GALNTL6: variants seen among roughly 807,000 people sequenced by gnomAD.
The protein encoded by GALNTL6 is polypeptide N-acetylgalactosaminyltransferase like 6, also known as polypeptide N-acetylgalactosaminyltransferase-like 6.
GALNTL6 carries 46 observed loss-of-function variants against 73.7 expected under a neutral mutation model. That is an observed-to-expected ratio of 0.62 (90% CI 0.49 to 0.80). The LOEUF (loss-of-function observed/expected upper bound fraction) is 0.80, where lower values mean the gene tolerates loss of function less well. Among genes scored for constraint, GALNTL6 ranks in the 30% least tolerant of loss-of-function variants. The probability of loss-of-function intolerance (pLI) is 0.00; values close to 1 mark genes in which losing one functional copy is unlikely to be tolerated. For missense variants in GALNTL6, 604 were observed against 755.0 expected, an observed-to-expected ratio of 0.80 and a Z score of 2.34; for synonymous variants, 259 against 263.7, an observed-to-expected ratio of 0.98 and a Z score of 0.17.
At chr4:172,144,835 T>C (rs965164948) in intron 2 of GALNTL6, among the ~76,000 whole-genome samples, 1 of 152,230 alleles carries the variant, frequency 6.6e-6, no homozygotes, top group Non-Finnish European at 1.5e-5. Flanking sequence ...GTACCTACTA[T>C]GCAAATTACA....
chr4:172,336,265 G>GTTTTTT (rs1453823455), intron 4 of GALNTL6, among the ~76,000 whole-genome samples: 3 of 25,718 alleles, frequency 1.2e-4, no homozygotes, highest in Admixed American at 6.7e-4. Flanking sequence ...TCTTGGTATA[G>GTTTTTT]TTTTGTTTTG....
chr4:171,872,856 A>G (rs1049841151), intron 2 of GALNTL6, among the ~76,000 whole-genome samples: 2 of 152,200 alleles, frequency 1.3e-5, no homozygotes, highest in African/African-American at 4.8e-5. Flanking sequence ...TTAGGACTCC[A>G]ACATGTCATT....
rs180674102 is a variant in GALNTL6 at position 172,274,640 on chromosome 4, C to T, written c.248-36974C>T. ...AGAGGCTCAAATATAAATATGTGGC[C>T]GAGATGGCCTTGCTTGGAAGATTAA... is the stretch of plus-strand genomic sequence containing the variant. On this transcript the variant is annotated intron_variant, in intron 3 of 12. Coordinates refer to ENST00000506823, the MANE Select transcript of GALNTL6 (RefSeq NM_001034845.3). Among the ~76,000 whole-genome samples, 69 of 152,162 alleles carry T rather than the reference C, an allele frequency of 4.5e-4. 1 individual carries two copies. Among genetic ancestry groups the T allele is most frequent in the Admixed American group, 3.0e-3 (46 of 15,260 alleles).
At chr4:172,262,665 C>G (rs1387923180) in intron 3 of GALNTL6, among the ~76,000 whole-genome samples, 2 of 151,252 alleles carry the variant, frequency 1.3e-5, no homozygotes, top group Non-Finnish European at 3.0e-5. Flanking sequence ...ATTATCATGC[C>G]AAATGCTGCC....
chr4:172,420,045 C>A (rs561574111), intron 5 of GALNTL6, among the ~76,000 whole-genome samples: 1 of 152,238 alleles, frequency 6.6e-6, no homozygotes, highest in South Asian at 2.1e-4. Flanking sequence ...CTTTGGATAT[C>A]GTACCATTAT....
At chr4:172,974,017 G>T (rs947090031) in intron 10 of GALNTL6, among the ~76,000 whole-genome samples, 3 of 152,154 alleles carry the variant, frequency 2.0e-5, no homozygotes, top group Non-Finnish European at 4.4e-5. Context: ...TGCCTTTGAA[G>T]GTATGTGGGA....
At chr4:171,939,029 C>T (rs1391381880) in intron 2 of GALNTL6, among the ~76,000 whole-genome samples, 7 of 151,502 alleles carry the variant, frequency 4.6e-5, no homozygotes, top group African/African-American at 9.7e-5. Flanking sequence ...CTTAAGTTGA[C>T]ATTGATCTCA....
intron 5 of GALNTL6, among the ~76,000 whole-genome samples, chr4:172,549,157 T>G (rs1385944688): frequency 6.6e-6 from 1 of 152,212 alleles, no homozygotes; most frequent in East Asian, 1.9e-4. Flanking sequence ...TCTTTGTGCC[T>G]CTTTGTAGTC....
At chr4:172,297,319 G>C (rs1200920250) in intron 3 of GALNTL6, among the ~76,000 whole-genome samples, 1 of 152,076 alleles carries the variant, frequency 6.6e-6, no homozygotes, top group Non-Finnish European at 1.5e-5. Context: ...TGTTCACTCT[G>C]ATGGTAGATT....
At chr4:172,465,960 G>GT (rs1292427600) in intron 5 of GALNTL6, among the ~76,000 whole-genome samples, 3 of 152,152 alleles carry the variant, frequency 2.0e-5, no homozygotes, top group Non-Finnish European at 2.9e-5. Flanking sequence ...CTAAAAGTCA[G>GT]TTTTTTTAAA....
At chr4:172,315,109 A>G (rs1332636274) in intron 4 of GALNTL6, among the ~76,000 whole-genome samples, 1 of 152,078 alleles carries the variant, frequency 6.6e-6, no homozygotes, top group East Asian at 1.9e-4. Context: ...CAAGCTTTTC[A>G]CTTTTGTTTT....
intron 5 of GALNTL6, among the ~76,000 whole-genome samples, chr4:172,663,468 C>G (rs764771764): frequency 2.0e-5 from 3 of 152,198 alleles, no homozygotes; most frequent in African/African-American, 7.2e-5. Flanking sequence ...ACTGTATATT[C>G]AACCCCTCCC....
intron 5 of GALNTL6, among the ~76,000 whole-genome samples, chr4:172,543,419 C>T (rs567048863): frequency 6.6e-6 from 1 of 152,170 alleles, no homozygotes; most frequent in Non-Finnish European, 1.5e-5. Context: ...ACATTTTAGG[C>T]TCCTGTGCGC....
chr4:172,947,210 G>A (rs767608140), intron 9 of GALNTL6, among the ~76,000 whole-genome samples: 48 of 152,196 alleles, frequency 3.2e-4, no homozygotes, highest in South Asian at 1.0e-3. Context: ...TTGATGCACC[G>A]AGAGACATTT....
At chr4:172,194,061 G>A (rs964111056) in intron 2 of GALNTL6, among the ~76,000 whole-genome samples, 1 of 152,084 alleles carries the variant, frequency 6.6e-6, no homozygotes, top group Non-Finnish European at 1.5e-5. Context: ...AGTATGTTCT[G>A]ACCCAAAGCA....
intron 3 of GALNTL6, among the ~76,000 whole-genome samples, chr4:172,254,357 T>C (rs1737997085): frequency 1.3e-5 from 2 of 151,824 alleles, no homozygotes. Flanking sequence ...AGGGAGGCCA[T>C]CTTTTAACTC....
chr4:172,007,112 A>G (rs140100522), intron 2 of GALNTL6, among the ~76,000 whole-genome samples: 2 of 152,272 alleles, frequency 1.3e-5, no homozygotes, highest in Non-Finnish European at 2.9e-5. Context: ...TCACTTTCTT[A>G]AATACAGTCA....
At chr4:172,080,989 T>G (rs1202536016) in intron 2 of GALNTL6, among the ~76,000 whole-genome samples, 1 of 152,174 alleles carries the variant, frequency 6.6e-6, no homozygotes, top group Admixed American at 6.5e-5. Flanking sequence ...TGAAACCCCT[T>G]CATATGGCAG....
At chr4:172,807,711 C>T (rs1184593764) in intron 5 of GALNTL6, among the ~76,000 whole-genome samples, 1 of 152,214 alleles carries the variant, frequency 6.6e-6, no homozygotes, top group East Asian at 1.9e-4. Context: ...GTTTGCTTTT[C>T]ATAGTCTGAT....
Sources: allele counts gnomAD v4.1 joint callset (sites outside exome capture counted in the v4.1 genomes callset), GRCh38; gene constraint gnomAD v4.1.1; transcripts MANE v1.5; gene names NCBI Gene and HGNC (gene_info 2026-07-23, HGNC 2026-07-21).